The following GRIN2A variants were observed in gnomAD, a reference collection of about 807,000 sequenced individuals.
The protein encoded by GRIN2A is glutamate ionotropic receptor NMDA type subunit 2A.
A neutral mutation model predicts 113.4 loss-of-function variants in GRIN2A; 22 were observed. The ratio of observed to expected loss-of-function variants is 0.19; its 90% CI spans 0.14 to 0.28. GRIN2A has a LOEUF of 0.28. Among genes scored for constraint, GRIN2A ranks in the 10% least tolerant of loss-of-function variants. The probability of loss-of-function intolerance (pLI) is 1.00; values close to 1 mark genes in which losing one functional copy is unlikely to be tolerated. For synonymous variants in GRIN2A, 827 were observed against 738.4 expected, an observed-to-expected ratio of 1.12 and a Z score of -1.94; for missense variants, 1,502 against 1,887.0, an observed-to-expected ratio of 0.80 and a Z score of 3.78.
At chr16:10,089,818 A>T (rs1335162078) in intron 2 of GRIN2A, among the ~76,000 whole-genome samples, 1 of 152,196 alleles carries the variant, frequency 6.6e-6, no homozygotes, top group Non-Finnish European at 1.5e-5. Context: ...TAACAACAAG[A>T]CAATTACTTC....
At chr16:9,983,202 T>TA (rs1190702650) in intron 2 of GRIN2A, among the ~76,000 whole-genome samples, 1 of 152,224 alleles carries the variant, frequency 6.6e-6, no homozygotes, top group African/African-American at 2.4e-5. Context: ...GATAGAATAC[T>TA]AGAACCTATG....
At chr16:9,971,998 T>C (rs1469451738) in intron 2 of GRIN2A, among the ~76,000 whole-genome samples, 2 of 140,482 alleles carry the variant, frequency 1.4e-5, no homozygotes, top group African/African-American at 4.9e-5. Flanking sequence ...GCCAACCTCT[T>C]TCTGGCCTGA....
At chr16:10,029,127 T>C (rs2083291760) in intron 2 of GRIN2A, among the ~76,000 whole-genome samples, 1 of 152,120 alleles carries the variant, frequency 6.6e-6, no homozygotes, top group Non-Finnish European at 1.5e-5. Flanking sequence ...AATCCATTTA[T>C]CTATGGAAAA....
At chr16:10,176,141 G>A (rs1248173671) in intron 2 of GRIN2A, among the ~76,000 whole-genome samples, 4 of 151,764 alleles carry the variant, frequency 2.6e-5, no homozygotes, top group Non-Finnish European at 5.9e-5. Context: ...GAGTAGCTGG[G>A]ATTACAGGGG....
intron 8 of GRIN2A, among the ~76,000 whole-genome samples, chr16:9,831,489 T>C (rs1302428942): frequency 6.7e-6 from 1 of 150,150 alleles, no homozygotes; most frequent in Non-Finnish European, 1.5e-5. Flanking sequence ...CCTGTCTCCC[T>C]GCCATTGTTT....
chr16:10,030,218 C>T (rs186180681), intron 2 of GRIN2A, among the ~76,000 whole-genome samples: 1 of 152,028 alleles, frequency 6.6e-6, no homozygotes, highest in East Asian at 1.9e-4. Flanking sequence ...TTATACAACT[C>T]TCATTTCTCT....
Position 9,838,787 on chromosome 16 carries a change from TG to T in GRIN2A, c.1651+1859del, listed in dbSNP as rs1286649437. Among the ~76,000 whole-genome samples, 10 of 152,300 alleles carry T rather than the reference TG, an allele frequency of 6.6e-5. No homozygotes were observed. The East Asian group carries it at 1.9e-3, about 29-fold the overall frequency. ...TTTGAGATAAATGAAAGATGTGAAC[TG>T]GGGGATGGGTTTTTCAAGAATGGAA... On this transcript the variant is annotated intron_variant, in intron 7 of 12. Coordinates refer to ENST00000330684, the MANE Select transcript of GRIN2A (RefSeq NM_001134407.3).
At chr16:10,102,262 C>G (rs946143583) in intron 2 of GRIN2A, among the ~76,000 whole-genome samples, 2 of 152,242 alleles carry the variant, frequency 1.3e-5, no homozygotes, top group Admixed American at 6.5e-5. Flanking sequence ...CACCATAACC[C>G]TGGTAATGAG....
intron 2 of GRIN2A, among the ~76,000 whole-genome samples, chr16:10,117,824 G>C (rs1312106101): frequency 6.6e-6 from 1 of 152,212 alleles, no homozygotes; most frequent in East Asian, 1.9e-4. Context: ...AATGACAATA[G>C]AAATATAGTG....
At chr16:10,045,513 T>G (rs533257174) in intron 2 of GRIN2A, among the ~76,000 whole-genome samples, 5 of 152,264 alleles carry the variant, frequency 3.3e-5, no homozygotes, top group South Asian at 4.1e-4. Context: ...GGACACAGCT[T>G]CACCATCAGT....
rs35715098 is a variant in GRIN2A, at chr16:9,860,445, C to CAAAAAA, written c.1123-10490_1123-10485dup. 3.4e-3 allele frequency among the ~76,000 whole-genome samples: 197 copies of CAAAAAA among 57,922 alleles called. 7 individuals carry two copies. The highest frequency in any genetic ancestry group is 0.012 in the Middle Eastern group (1 of 86). 38.0% of individuals were successfully genotyped at this position (57,922 alleles called of 152,430 possible). On this transcript the variant is annotated intron_variant, in intron 4 of 12. Coordinates refer to ENST00000330684, the MANE Select transcript of GRIN2A (RefSeq NM_001134407.3). ...CCTGGGTGACAGAGCAAGAGTCTCT[C>CAAAAAA]AAAAAAAAAAAAAAAAAAAAAAAAA...
rs928714067 is a variant in GRIN2A, at chr16:9,938,222, G to A, written c.744C>T (p.Leu248=). The change falls in exon 3 of 13, where the codon CTC becomes CTT. Residue 248 remains leucine, a synonymous_variant. Coordinates refer to ENST00000330684, the MANE Select transcript of GRIN2A (RefSeq NM_001134407.3). The part of the protein sequence containing the change: ...LILSEARSLG[L]TGYDFFWIVP... ...CAATCCAGAAGAAATCATACCCGGT[G>A]AGGCCAAGGGAGCGGGCCTCACTCA... The A allele has an allele frequency of 5.0e-6, 8 of 1,613,932 alleles. No homozygotes were observed. The African/African-American group carries it at 9.3e-5, about 19-fold the overall frequency.
intron 2 of GRIN2A, among the ~76,000 whole-genome samples, chr16:10,104,438 G>C (rs1032814227): frequency 1.3e-5 from 2 of 152,144 alleles, no homozygotes; most frequent in African/African-American, 2.4e-5. Flanking sequence ...AATATCATAG[G>C]AGTCCAATAA....
At chr16:9,791,648 C>G (rs1043652399) in intron 11 of GRIN2A, among the ~76,000 whole-genome samples, 1 of 152,170 alleles carries the variant, frequency 6.6e-6, no homozygotes, top group Non-Finnish European at 1.5e-5. Context: ...AGGATATTAG[C>G]AACCCATCCA....
At chr16:9,969,129 G>C (rs2045619166) in intron 2 of GRIN2A, among the ~76,000 whole-genome samples, 1 of 152,018 alleles carries the variant, frequency 6.6e-6, no homozygotes, top group African/African-American at 2.4e-5. Flanking sequence ...CAAATGCTCA[G>C]TAGACACAGG....
intron 2 of GRIN2A, among the ~76,000 whole-genome samples, chr16:10,022,480 A>G (rs1383681233): frequency 2.0e-5 from 3 of 152,196 alleles, no homozygotes; most frequent in Admixed American, 1.3e-4. Flanking sequence ...GCCTCGCTTT[A>G]AAGTCCAGCA....
At chr16:9,827,326 C>T (rs965784401) in intron 9 of GRIN2A, among the ~76,000 whole-genome samples, 22 of 152,194 alleles carry the variant, frequency 1.4e-4, no homozygotes, top group Admixed American at 9.2e-4. Flanking sequence ...GGGGATCTTA[C>T]AGTAGCTGAC....
intron 2 of GRIN2A, chr16:10,112,163 G>T: frequency 3.4e-6 from 2 of 584,866 alleles, no homozygotes; most frequent in Admixed American, 4.7e-5. Context: ...GCCTGGACCT[G>T]CTCACCTGGG....
intron 2 of GRIN2A, among the ~76,000 whole-genome samples, chr16:10,068,676 C>T (rs1472278027): frequency 6.6e-6 from 1 of 152,188 alleles, no homozygotes; most frequent in African/African-American, 2.4e-5. Context: ...TATCAATTCC[C>T]CCATGGATCA....
Sources: allele counts gnomAD v4.1 joint callset (sites outside exome capture counted in the v4.1 genomes callset), GRCh38; gene constraint gnomAD v4.1.1; transcripts MANE v1.5; gene names NCBI Gene and HGNC (gene_info 2026-07-23, HGNC 2026-07-21).